TAFA1: variants seen among roughly 807,000 people sequenced by gnomAD.
The protein encoded by TAFA1 is TAFA chemokine like family member 1, also known as chemokine-like protein TAFA-1.
TAFA1 carries 4 observed loss-of-function variants against 18.5 expected under a neutral mutation model. The observed-to-expected ratio is 0.22, with a 90% CI of 0.11 to 0.49. The LOEUF is 0.49. Ranked by LOEUF, TAFA1 falls within the 20% of genes least tolerant of loss-of-function variation. The pLI is 0.98. For missense variants in TAFA1, 147 were observed against 169.0 expected (o/e 0.87, Z 0.72); for synonymous variants, 56 against 55.2 (o/e 1.01, Z -0.06).
chr3:68,141,153 A>G (rs193004748), intron 2 of TAFA1, among the ~76,000 whole-genome samples: 1 of 152,282 alleles, frequency 6.6e-6, no homozygotes, highest in East Asian at 1.9e-4. Flanking sequence ...AGAATAACCA[A>G]ACGGGTGCCA....
At chr3:68,428,109 C>A (rs1197535583) in intron 3 of TAFA1, among the ~76,000 whole-genome samples, 1 of 151,842 alleles carries the variant, frequency 6.6e-6, no homozygotes, top group Non-Finnish European at 1.5e-5. Flanking sequence ...AAATTCAAAA[C>A]CTGTTAAGGT....
intron 2 of TAFA1, among the ~76,000 whole-genome samples, chr3:68,193,939 A>G (rs1367562477): frequency 6.6e-6 from 1 of 151,660 alleles, no homozygotes. Context: ...GGCTGAGCAA[A>G]GTTATATTTT....
intron 2 of TAFA1, among the ~76,000 whole-genome samples, chr3:68,280,643 G>A (rs73836847): frequency 0.015 from 2,210 of 152,006 alleles, 25 homozygotes; most frequent in African/African-American, 0.035. Context: ...TCTGCACAGT[G>A]GGATGATTAG....
intron 3 of TAFA1, among the ~76,000 whole-genome samples, chr3:68,483,976 A>G (rs188436705): frequency 5.0e-4 from 76 of 152,354 alleles, no homozygotes; most frequent in African/African-American, 1.7e-3. Flanking sequence ...TGATACGTAC[A>G]TTTTACAATA....
At chr3:68,048,647 C>G (rs1414402300) in intron 2 of TAFA1, among the ~76,000 whole-genome samples, 1 of 152,060 alleles carries the variant, frequency 6.6e-6, no homozygotes, top group Non-Finnish European at 1.5e-5. Context: ...ATTCTACTCT[C>G]TATCTCCATT....
At chr3:68,024,303 A>G (rs546020148) in intron 2 of TAFA1, among the ~76,000 whole-genome samples, 1 of 152,282 alleles carries the variant, frequency 6.6e-6, no homozygotes, top group East Asian at 1.9e-4. Context: ...TTGGAAGAAA[A>G]AAATTAATGA....
At chr3:68,245,034 T>C (rs1327103580) in intron 2 of TAFA1, among the ~76,000 whole-genome samples, 1 of 152,212 alleles carries the variant, frequency 6.6e-6, no homozygotes, top group Non-Finnish European at 1.5e-5. Context: ...TATCAAGCCT[T>C]TATTTTGTTG....
intron 2 of TAFA1, among the ~76,000 whole-genome samples, chr3:68,053,406 A>C (rs1171111452): frequency 6.6e-6 from 1 of 152,128 alleles, no homozygotes; most frequent in Non-Finnish European, 1.5e-5. Flanking sequence ...TTAAGCCATG[A>C]GCATGAACTA....
intron 3 of TAFA1, among the ~76,000 whole-genome samples, chr3:68,439,146 T>C (rs2071318534): frequency 6.6e-6 from 1 of 152,082 alleles, no homozygotes; most frequent in South Asian, 2.1e-4. Flanking sequence ...CTGAACATGC[T>C]TTTTCACTTT....
At chr3:68,075,296 A>C (rs1336050608) in intron 2 of TAFA1, among the ~76,000 whole-genome samples, 1 of 152,116 alleles carries the variant, frequency 6.6e-6, no homozygotes, top group African/African-American at 2.4e-5. Flanking sequence ...TCTTACTCCT[A>C]GGCTAATAGA....
intron 2 of TAFA1, among the ~76,000 whole-genome samples, chr3:68,117,296 A>ATTTAC (rs2065336108): frequency 6.6e-6 from 1 of 152,168 alleles, no homozygotes; most frequent in African/African-American, 2.4e-5. Flanking sequence ...ACTTCTCAGG[A>ATTTAC]GCACATTAAT....
intron 2 of TAFA1, among the ~76,000 whole-genome samples, chr3:68,261,100 C>T (rs1241849237): frequency 4.6e-5 from 7 of 151,882 alleles, no homozygotes; most frequent in East Asian, 1.9e-4. Flanking sequence ...AAAAAGTGGG[C>T]GAAGGATATG....
intron 2 of TAFA1, among the ~76,000 whole-genome samples, chr3:68,377,900 C>A (rs1010873495): frequency 9.9e-5 from 15 of 152,212 alleles, no homozygotes; most frequent in African/African-American, 3.6e-4. Flanking sequence ...AGGATGCAAG[C>A]CCCAACTTTT....
intron 2 of TAFA1, among the ~76,000 whole-genome samples, chr3:68,251,182 C>A (rs1475152771): frequency 1.3e-5 from 2 of 152,120 alleles, no homozygotes; most frequent in Non-Finnish European, 2.9e-5. Context: ...GGACAACAGA[C>A]CCTTGAGAGT....
At chr3:68,251,126 A>G (rs1275760553) in intron 2 of TAFA1, among the ~76,000 whole-genome samples, 1 of 152,112 alleles carries the variant, frequency 6.6e-6, no homozygotes, top group Non-Finnish European at 1.5e-5. Context: ...CATTGTGGCT[A>G]TTCTATTTCT....
intron 2 of TAFA1, among the ~76,000 whole-genome samples, chr3:68,227,934 G>A (rs2066823782): frequency 6.6e-6 from 1 of 152,174 alleles, no homozygotes; most frequent in Admixed American, 6.5e-5. Flanking sequence ...CCGTAACTTG[G>A]AGTGGAGCAT....
intron 2 of TAFA1, among the ~76,000 whole-genome samples, chr3:68,356,988 C>T (rs2069377865): frequency 6.6e-6 from 1 of 151,866 alleles, no homozygotes; most frequent in African/African-American, 2.4e-5. Context: ...AGGCTAGCAT[C>T]CTTGTTTAGA....
intron 2 of TAFA1, among the ~76,000 whole-genome samples, chr3:68,186,579 A>G (rs1409214911): frequency 6.6e-6 from 1 of 151,948 alleles, no homozygotes; most frequent in African/African-American, 2.4e-5. Flanking sequence ...TTGTAGTTGT[A>G]TGATTAATAT....
chr3:68,459,111 G>A (rs186051608), intron 3 of TAFA1, among the ~76,000 whole-genome samples: 65 of 152,174 alleles, frequency 4.3e-4, no homozygotes, highest in African/African-American at 1.5e-3. Flanking sequence ...ACATTTGCCC[G>A]TCATTGAGTG....
Sources: allele counts gnomAD v4.1 joint callset (sites outside exome capture counted in the v4.1 genomes callset), GRCh38; gene constraint gnomAD v4.1.1; transcripts MANE v1.5; gene names NCBI Gene and HGNC (gene_info 2026-07-23, HGNC 2026-07-21).